EPHA5: variants seen among roughly 807,000 people sequenced by gnomAD.
EPHA5 encodes EPH receptor A5.
In EPHA5, 60 loss-of-function variants were observed where a neutral mutation model predicts 105.0. The observed-to-expected ratio is 0.57, with a 90% confidence interval of 0.46 to 0.71. EPHA5 has a LOEUF of 0.71. EPHA5 is among the 30% of genes least tolerant of loss of function. The pLI is 0.00. For synonymous variants in EPHA5, 513 were observed against 449.1 expected (o/e 1.14, Z -1.80); for missense variants, 1,218 against 1,274.7 (o/e 0.96, Z 0.68).
In EPHA5 at chr4:65,347,917, C is replaced by A. The variant is rs928548081; in HGVS notation, c.2595+137G>T. The A allele has an allele frequency of 3.3e-6, 3 of 897,076 alleles. No individual in the cohort carries two copies. The African/African-American group carries it at 5.1e-5, about 15-fold the overall frequency. The allele number at this position is 897,076 out of a possible 1,614,324, so 55.6% of individuals were successfully genotyped here. On this transcript the variant is annotated intron_variant, in intron 14 of 16. Transcript: ENST00000613740. ...CTGCTTAAAGGATATTTCAACAACA[C>A]AAAACAGATCAGAGGGTAAGCAAAG...
chr4:65,326,595 G>C (rs1720102594), intron 16 of EPHA5, among the ~76,000 whole-genome samples: 3 of 151,180 alleles, frequency 2.0e-5, no homozygotes, highest in African/African-American at 7.3e-5. Context: ...CATATTCATG[G>C]GTGTTCACTA....
chr4:65,516,809 G>C (rs749958275), intron 3 of EPHA5, among the ~76,000 whole-genome samples: 2 of 152,008 alleles, frequency 1.3e-5, no homozygotes, highest in Non-Finnish European at 2.9e-5. Context: ...GACTAGAAGT[G>C]GTATTGTTGA....
Position 65,646,757 on chromosome 4 carries a change from C to A in EPHA5, c.182-3330G>T, listed in dbSNP as rs1560817311. 2.0e-5 allele frequency among the ~76,000 whole-genome samples: 3 copies of A among 151,794 alleles called. No individual in the cohort carries two copies. The South Asian group carries it at 6.3e-4, about 32-fold the overall frequency. ...TAACAGAAGTTAGCATATTTGGGGG[C>A]CTTCTTTTTGAACCAAAATAATACT... On this transcript the variant is annotated intron_variant, in intron 1 of 16. Coordinates refer to ENST00000613740, the MANE Select transcript of EPHA5 (RefSeq NM_001281766.3).
At chr4:65,412,089 G>A (rs927834031) in intron 7 of EPHA5, among the ~76,000 whole-genome samples, 5 of 152,194 alleles carry the variant, frequency 3.3e-5, no homozygotes, top group African/African-American at 4.8e-5. Context: ...TTAGCCAGGC[G>A]TGGTGGTGCA....
At chr4:65,482,665 C>A (rs891697403) in intron 5 of EPHA5, among the ~76,000 whole-genome samples, 3 of 152,080 alleles carry the variant, frequency 2.0e-5, no homozygotes, top group Non-Finnish European at 4.4e-5. Context: ...AATTTAGTGA[C>A]CTACTTAGTC....
chr4:65,573,455 C>G, intron 3 of EPHA5: 1 of 1,148,278 alleles, frequency 8.7e-7, no homozygotes, highest in Non-Finnish European at 1.2e-6. Flanking sequence ...TCCCATCTTG[C>G]AAGATGGCGG....
chr4:65,587,588 C>A (rs1742240989), intron 3 of EPHA5, among the ~76,000 whole-genome samples: 2 of 152,054 alleles, frequency 1.3e-5, no homozygotes, highest in South Asian at 2.1e-4. Flanking sequence ...GGTGCCCCGA[C>A]CCCCATCTGG....
intron 5 of EPHA5, among the ~76,000 whole-genome samples, chr4:65,428,543 G>A (rs1724672594): frequency 1.3e-5 from 2 of 152,042 alleles, no homozygotes; most frequent in Admixed American, 6.6e-5. Flanking sequence ...TGGATCTTTT[G>A]ATATATGACC....
chr4:65,494,302 A>T (rs1385090329), intron 4 of EPHA5, among the ~76,000 whole-genome samples: 1 of 152,216 alleles, frequency 6.6e-6, no homozygotes. Context: ...TGATTATTTG[A>T]TAACAAAAAA....
chr4:65,411,107 A>G (rs971368876), intron 7 of EPHA5, among the ~76,000 whole-genome samples: 1 of 152,032 alleles, frequency 6.6e-6, no homozygotes, highest in African/African-American at 2.4e-5. Flanking sequence ...TTTTAAATAT[A>G]TTATTTTTAT....
rs1324938603 is a variant in EPHA5 at position 65,542,325 on chromosome 4, A to C, written c.911-46782T>G. Among the ~76,000 whole-genome samples, 6 of 151,748 alleles carry C rather than the reference A, an allele frequency of 4.0e-5. No homozygotes were observed. In the South Asian group the frequency reaches 1.0e-3, roughly 26 times the overall value. On this transcript the variant is annotated intron_variant, in intron 3 of 16. Transcript: ENST00000613740. ...GTTTTTGAAAAAATTAATAAAATAGATAATCCACTAGCTAGACTAAAAGAG... is the reference window on the plus strand; with the variant it reads ...GTTTTTGAAAAAATTAATAAAATAGCTAATCCACTAGCTAGACTAAAAGAG...
chr4:65,549,763 A>G (rs954210688), intron 3 of EPHA5, among the ~76,000 whole-genome samples: 3 of 152,158 alleles, frequency 2.0e-5, no homozygotes, highest in Non-Finnish European at 4.4e-5. Flanking sequence ...TTTAAAATTC[A>G]TCTTCACATA....
chr4:65,435,214 C>T (rs1335587881), intron 5 of EPHA5, among the ~76,000 whole-genome samples: 1 of 152,074 alleles, frequency 6.6e-6, no homozygotes, highest in Non-Finnish European at 1.5e-5. Flanking sequence ...CTCACTGTCA[C>T]TGAGAATTTT....
intron 7 of EPHA5, among the ~76,000 whole-genome samples, chr4:65,407,874 A>G (rs1021057796): frequency 2.0e-5 from 3 of 151,330 alleles, no homozygotes; most frequent in East Asian, 1.9e-4. Flanking sequence ...TCCCACCTCA[A>G]CCTTCCGAGT....
At chr4:65,429,873 G>A (rs534234303) in intron 5 of EPHA5, among the ~76,000 whole-genome samples, 14 of 152,136 alleles carry the variant, frequency 9.2e-5, no homozygotes, top group African/African-American at 3.1e-4. Context: ...GAATGACTGG[G>A]AGACCTGAGT....
chr4:65,430,004 C>A (rs1245323588), intron 5 of EPHA5, among the ~76,000 whole-genome samples: 2 of 151,992 alleles, frequency 1.3e-5, no homozygotes, highest in Admixed American at 6.6e-5. Flanking sequence ...TGCAGCTGGT[C>A]AACCTTTTAA....
At chr4:65,522,552 C>T (rs1734856604) in intron 3 of EPHA5, among the ~76,000 whole-genome samples, 1 of 151,814 alleles carries the variant, frequency 6.6e-6, no homozygotes, top group African/African-American at 2.4e-5. Context: ...AATCTGAAGT[C>T]TGTGGTTAGT....
intron 3 of EPHA5, among the ~76,000 whole-genome samples, chr4:65,554,285 T>C (rs959776135): frequency 1.7e-4 from 26 of 149,474 alleles, no homozygotes; most frequent in African/African-American, 5.6e-4. Context: ...TAAAATATCT[T>C]TTCCATTTTA....
At chr4:65,657,229 T>A (rs1044654186) in intron 1 of EPHA5, among the ~76,000 whole-genome samples, 1 of 152,160 alleles carries the variant, frequency 6.6e-6, no homozygotes, top group Non-Finnish European at 1.5e-5. Flanking sequence ...AGTAAATCCT[T>A]CTGCCCCCCA....
Sources: allele counts gnomAD v4.1 joint callset (sites outside exome capture counted in the v4.1 genomes callset), GRCh38; gene constraint gnomAD v4.1.1; transcripts MANE v1.5; gene names NCBI Gene and HGNC (gene_info 2026-07-23, HGNC 2026-07-21).